Variants in THAP2 observed in about 807,000 individuals in gnomAD.
THAP2 encodes THAP domain-containing protein 2.
A neutral mutation model predicts 18.8 loss-of-function variants in THAP2; 16 were observed. The observed-to-expected ratio is 0.85, with a 90% confidence interval of 0.58 to 1.29. THAP2 has a LOEUF of 1.29. THAP2 is among the 50% of genes most tolerant of loss of function. The probability of loss-of-function intolerance (pLI) is 0.00; values close to 1 mark genes in which losing one functional copy is unlikely to be tolerated. For synonymous variants in THAP2, 80 were observed against 89.2 expected (o/e 0.90, Z 0.58); for missense variants, 251 against 265.3 (o/e 0.95, Z 0.38).
chr12:71,664,709 T>C, intron 1 of THAP2, 129 bp downstream of exon 1: 1 of 1,023,528 alleles, frequency 9.8e-7, no homozygotes, highest in Non-Finnish European at 1.5e-6. Context: ...AAGCATCGTA[T>C]GTCCTTTGTG....
chr12:71,666,542 AAG>A (rs1491062185), intron 1 of THAP2, among the ~76,000 whole-genome samples: 1 of 152,086 alleles, frequency 6.6e-6, no homozygotes. Flanking sequence ...AACAAAAAAA[AAG>A]AGATGGATGG....
intron 1 of THAP2, chr12:71,667,679 C>A (rs1171051864): frequency 1.3e-5 from 2 of 152,168 alleles, no homozygotes; most frequent in Non-Finnish European, 2.9e-5. Flanking sequence ...CCTAGGCACT[C>A]TTCTGTAATC....
In THAP2 at chr12:71,664,359, C is replaced by A. The variant is rs1427086407; in HGVS notation, c.-151C>A. 3 of 853,818 alleles carry A rather than the reference C, an allele frequency of 3.5e-6. No individual in the cohort carries two copies. The African/African-American group carries it at 5.1e-5, about 14-fold the overall frequency. 52.9% of individuals were successfully genotyped at this position (853,818 alleles called of 1,614,324 possible). On this transcript the variant is annotated 5_prime_UTR_variant, in exon 1 of 3. Transcript: ENST00000308086. ...TGACCGTCCTTCGCCTCCGCCCCCA[C>A]ATACACACCCCTTCTTCCCACTCCG...
chr12:71,674,606 T>C (rs988984900), intron 2 of THAP2, among the ~76,000 whole-genome samples: 1 of 152,150 alleles, frequency 6.6e-6, no homozygotes, highest in South Asian at 2.1e-4. Context: ...TTTTACTATA[T>C]TGGAATTTTA....
At chr12:71,673,300 T>A (rs1337070729) in intron 1 of THAP2, among the ~76,000 whole-genome samples, 27 of 152,142 alleles carry the variant, frequency 1.8e-4, no homozygotes, top group Non-Finnish European at 1.5e-5. Context: ...TTTTTTGATG[T>A]TTCCAGGCTA....
chr12:71,676,302 T>C (rs925416926), intron 2 of THAP2, among the ~76,000 whole-genome samples: 1 of 152,132 alleles, frequency 6.6e-6, no homozygotes, highest in Non-Finnish European at 1.5e-5. Context: ...AAAGGGTATT[T>C]AATTAAAAGG....
intron 1 of THAP2, among the ~76,000 whole-genome samples, chr12:71,673,425 T>C (rs1186823903): frequency 2.0e-5 from 3 of 152,184 alleles, no homozygotes; most frequent in South Asian, 4.1e-4. Flanking sequence ...AAGGGTCAAC[T>C]GTACTTTATA....
chr12:71,671,393 G>T (rs1480825417), intron 1 of THAP2, among the ~76,000 whole-genome samples: 1 of 152,192 alleles, frequency 6.6e-6, no homozygotes, highest in Non-Finnish European at 1.5e-5. Context: ...GTGTTCAGAA[G>T]CACTCAACTC....
rs1442827706 is a variant in THAP2 at position 71,679,488 on chromosome 12, T to C, written c.*2380T>C. On this transcript the variant is annotated 3_prime_UTR_variant, in exon 3 of 3. Transcript: ENST00000308086. Reference sequence around the variant, plus strand: ...CACTCTGACCATAAACTAACTGAAATTATAATGGATTTTTTTTCCTCTCCC... The same window carrying C: ...CACTCTGACCATAAACTAACTGAAACTATAATGGATTTTTTTTCCTCTCCC... 1.3e-5 allele frequency: 2 copies of C among 152,074 alleles called. No individual in the cohort carries two copies. Among genetic ancestry groups the C allele is most frequent in the African/African-American group, 4.8e-5 (2 of 41,394 alleles). 9.4% of individuals were successfully genotyped at this position (152,074 alleles called of 1,614,324 possible).
chr12:71,676,966 TACCTAAAGGTACATCAGAA>T lies in THAP2; in HGVS notation c.546_564del (p.Leu182PhefsTer8), dbSNP rs774254227. Reference sequence around the variant, plus strand: ...AAGAATTTAGAAGCAAATAGTGTATTACCTAAAGGTACATCAGAACACATGTTACCAACTGCCTTAAGCA... The same window carrying T: ...AAGAATTTAGAAGCAAATAGTGTATTCACATGTTACCAACTGCCTTAAGCA... On this transcript the variant is annotated frameshift_variant, in exon 3 of 3. Coordinates refer to ENST00000308086, the MANE Select transcript of THAP2 (RefSeq NM_031435.4). LOFTEE classifies it high-confidence loss of function. 1.9e-6 allele frequency: 3 copies of T among 1,613,784 alleles called. No individual in the cohort carries two copies. The highest frequency in any genetic ancestry group is 2.2e-5 in the South Asian group (2 of 91,076).
chr12:71,668,178 C>G (rs1334269063), intron 1 of THAP2, among the ~76,000 whole-genome samples: 3 of 152,076 alleles, frequency 2.0e-5, no homozygotes, highest in Non-Finnish European at 2.9e-5. Flanking sequence ...TTCTCTGTCC[C>G]CAAGATATTC....
rs959615965 is a variant in THAP2, at chr12:71,678,745, T to C, written c.*1637T>C. 8 of 152,286 alleles carry C rather than the reference T, an allele frequency of 5.3e-5. No homozygotes were observed. The highest frequency in any genetic ancestry group is 1.9e-4 in the African/African-American group (8 of 41,578). 9.4% of individuals were successfully genotyped at this position (152,286 alleles called of 1,614,324 possible). A position where few individuals can be genotyped will look rare whatever the true frequency, so the allele number is the denominator to read the frequency against. On this transcript the variant is annotated 3_prime_UTR_variant, in exon 3 of 3. Transcript: ENST00000308086. ...AACAATTCTTTTACAGTATTAGCAC[T>C]CTCTTTACTAAGGAATGCCTCCCAA...
rs1040489509 is a variant in THAP2 at position 71,679,033 on chromosome 12, A to G, written c.*1925A>G. On this transcript the variant is annotated 3_prime_UTR_variant, in exon 3 of 3. Transcript: ENST00000308086. The stretch of plus-strand genomic sequence containing the variant: ...TAACTCAAAATAAGTTGGACAAATA[A>G]TCATTTTAATAAAAACTATTTTTTC... 2.0e-5 allele frequency: 3 copies of G among 152,164 alleles called. No individual in the cohort carries two copies. Among genetic ancestry groups the G allele is most frequent in the African/African-American group, 7.2e-5 (3 of 41,466 alleles). 9.4% of individuals were successfully genotyped at this position (152,164 alleles called of 1,614,324 possible).
intron 1 of THAP2, among the ~76,000 whole-genome samples, chr12:71,668,612 A>G (rs558398117): frequency 1.3e-5 from 2 of 152,110 alleles, no homozygotes; most frequent in East Asian, 3.8e-4. Flanking sequence ...TACCTTCCCC[A>G]TTACAGTATA....
chr12:71,672,872 C>T (rs79649849), intron 1 of THAP2, among the ~76,000 whole-genome samples: 7,621 of 152,084 alleles, frequency 0.05, 260 homozygotes, highest in South Asian at 0.085. Flanking sequence ...GAAAAATATG[C>T]GAGAACTGCG....
intron 1 of THAP2, among the ~76,000 whole-genome samples, chr12:71,673,972 T>C (rs17110153): frequency 0.05 from 7,613 of 152,226 alleles, 258 homozygotes; most frequent in South Asian, 0.085. Context: ...AAATGTCTCT[T>C]TTTAAAAGCC....
rs930638802 is a variant in THAP2, at chr12:71,678,914, G to A, written c.*1806G>A. 3 of 152,056 alleles carry A rather than the reference G, an allele frequency of 2.0e-5. No individual in the cohort carries two copies. The highest frequency in any genetic ancestry group is 7.2e-5 in the African/African-American group (3 of 41,414). The allele number at this position is 152,056 out of a possible 1,614,324, so 9.4% of individuals were successfully genotyped here. ...GTATTAGATGTAGTTCCTTGGAATT[G>A]TCATTACATATTTATTTTTTTCTAG... On this transcript the variant is annotated 3_prime_UTR_variant, in exon 3 of 3. Transcript: ENST00000308086.
At chr12:71,675,245 T>C (rs1277863922) in intron 2 of THAP2, among the ~76,000 whole-genome samples, 4 of 152,036 alleles carry the variant, frequency 2.6e-5, no homozygotes, top group Admixed American at 1.3e-4. Flanking sequence ...TTTAAATGTA[T>C]ATGAGTTATT....
In THAP2 at chr12:71,664,880, A is replaced by T. The variant is rs1400240822; in HGVS notation, c.71+300A>T. ...TATTCCTCTGTTAGACCGGGCCTTG[A>T]CATGAATGACGCCGTAAGGGAGAAA... On this transcript the variant is annotated intron_variant, in intron 1 of 2. Transcript: ENST00000308086. 4.3e-6 allele frequency: 3 copies of T among 702,440 alleles called. No homozygotes were observed. The Admixed American group carries it at 6.0e-5, about 14-fold the overall frequency. The allele number at this position is 702,440 out of a possible 1,614,324, so 43.5% of individuals were successfully genotyped here. A position where few individuals can be genotyped will look rare whatever the true frequency, so the allele number is the denominator to read the frequency against.
Sources: allele counts gnomAD v4.1 joint callset (sites outside exome capture counted in the v4.1 genomes callset), GRCh38; gene constraint gnomAD v4.1.1; transcripts MANE v1.5; gene names NCBI Gene and HGNC (gene_info 2026-07-23, HGNC 2026-07-21).